OR52K1: variants seen among roughly 807,000 people sequenced by gnomAD.
OR52K1 encodes olfactory receptor 52K1.
OR52K1 carries 10 observed loss-of-function variants against 8.7 expected under a neutral mutation model. The observed-to-expected ratio is 1.15, with a 90% CI of 0.71 to 1.95. The LOEUF (loss-of-function observed/expected upper bound fraction) is 1.95. Ranked by LOEUF, OR52K1 falls within the 30% of genes most tolerant of loss-of-function variation. The pLI is 0.00. For synonymous variants in OR52K1, 203 were observed against 148.5 expected (o/e 1.37, Z -2.67); for missense variants, 431 against 397.2 (o/e 1.08, Z -0.72).
In OR52K1 at chr11:4,489,359, G is replaced by T; in HGVS notation, c.459G>T (p.Arg153=). The T allele has an allele frequency of 6.2e-7, 1 of 1,614,130 alleles. No homozygotes were observed. Among genetic ancestry groups the T allele is most frequent in the Non-Finnish European group, 8.5e-7 (1 of 1,180,034 alleles). ...ITKIGMAAVA[R]AVTLMTPLPF... is the part of the protein sequence containing the mutation. ...AGATTGGCATGGCTGCTGTGGCCCG[G>T]GCTGTGACACTAATGACTCCACTCC... is the stretch of plus-strand genomic sequence containing the variant. Residue 153 remains arginine (R), a synonymous_variant, in exon 2 of 2, where the codon CGG becomes CGT. Transcript: ENST00000641528.
Position 4,489,926 on chromosome 11 carries a change from A to G in OR52K1, c.*81A>G. 1 of 956,348 alleles carries G rather than the reference A, an allele frequency of 1.0e-6. No individual in the cohort carries two copies. Among genetic ancestry groups the G allele is most frequent in the South Asian group, 1.6e-5 (1 of 63,700 alleles). 59.2% of individuals were successfully genotyped at this position (956,348 alleles called of 1,614,324 possible). ...GGTTGAGGGGAAAAATCTAAATAGG[A>G]AAATTGCAGAGTATCTTTGACAATT... On this transcript the variant is annotated 3_prime_UTR_variant, in exon 2 of 2. Transcript: ENST00000641528.
intron 1 of OR52K1, among the ~76,000 whole-genome samples, chr11:4,487,873 A>C (rs1165662294): frequency 1.3e-5 from 2 of 152,162 alleles, no homozygotes; most frequent in Non-Finnish European, 2.9e-5. Context: ...ATTTTATAAC[A>C]GTCTTGGTAA....
chr11:4,484,968 TCC>T (rs1846309939), intron 1 of OR52K1, among the ~76,000 whole-genome samples: 3 of 152,228 alleles, frequency 2.0e-5, no homozygotes, highest in Admixed American at 2.0e-4. Context: ...AAACTTCAAT[TCC>T]CCTCTTATCT....
chr11:4,489,592 C>T lies in OR52K1; in HGVS notation c.692C>T (p.Ala231Val). 6.2e-7 allele frequency: 1 copy of T among 1,614,214 alleles called. No homozygotes were observed. The highest frequency in any genetic ancestry group is 1.1e-5 in the South Asian group (1 of 91,086). ...VFILQAVLQL[A>V]SQEARYKAFG... ...ATCCTTCAGGCAGTTCTCCAGCTTGCCTCTCAGGAGGCCCGCTACAAGGCA... is the reference window on the plus strand; with the variant it reads ...ATCCTTCAGGCAGTTCTCCAGCTTGTCTCTCAGGAGGCCCGCTACAAGGCA... The change falls in exon 2 of 2, where the codon GCC becomes GTC. Residue 231 changes from alanine to valine, a missense_variant. Ala to Val is a moderately conservative substitution (Grantham distance 64). Transcript: ENST00000641528.
At chr11:4,488,192 C>G (rs2133106666) in intron 1 of OR52K1, among the ~76,000 whole-genome samples, 1 of 152,298 alleles carries the variant, frequency 6.6e-6, no homozygotes, top group South Asian at 2.1e-4. Flanking sequence ...GAAAGATATA[C>G]TGTAGAGCAG....
In OR52K1 at chr11:4,484,614, G is replaced by C. The variant is rs145907359; in HGVS notation, c.-329+1438G>C. 4.9e-3 allele frequency among the ~76,000 whole-genome samples: 741 copies of C among 152,104 alleles called. 6 individuals carry two copies. Among genetic ancestry groups the C allele is most frequent in the African/African-American group, 0.017 (695 of 41,494 alleles). The stretch of plus-strand genomic sequence containing the variant: ...ATCGAGTATGGAGTTGGATATCCTA[G>C]TCTGGAGCTTACAAGGAATGTAAGG... On this transcript the variant is annotated intron_variant, in intron 1 of 1. Coordinates refer to ENST00000641528, the MANE Select transcript of OR52K1 (RefSeq NM_001005171.3).
chr11:4,486,317 A>G (rs1401193469), intron 1 of OR52K1, among the ~76,000 whole-genome samples: 3 of 152,188 alleles, frequency 2.0e-5, no homozygotes, highest in African/African-American at 4.8e-5. Context: ...AGAGTGGACA[A>G]TTCTTTGGTT....
Position 4,489,525 on chromosome 11 carries a change from G to A in OR52K1, c.625G>A (p.Val209Met). ...TGGCATTGCTGTGGCCATGTTTATT[G>A]TGGTGTTGGACCTGCTCTTTGTTAT... ...IYGIAVAMFIVVLDLLFVILS... is the reference protein window; with the variant it reads ...IYGIAVAMFIMVLDLLFVILS... Residue 209 changes from valine to methionine, a missense_variant, in exon 2 of 2, where the codon GTG becomes ATG. Coordinates refer to ENST00000641528, the MANE Select transcript of OR52K1 (RefSeq NM_001005171.3). The A allele has an allele frequency of 1.2e-6, 2 of 1,614,238 alleles. No individual in the cohort carries two copies. Among genetic ancestry groups the A allele is most frequent in the South Asian group, 1.1e-5 (1 of 91,084 alleles).
In OR52K1 at chr11:4,489,000, TG is replaced by T. The variant is rs756181961; in HGVS notation, c.101del (p.Cys34SerfsTer9). ...HLHAWISIPFCFAYTLALLGN... is the reference protein window; with the variant it reads ...HLHAWISIPFXFAYTLALLGN... Reference sequence around the variant, plus strand: ...GCATGCCTGGATCTCCATCCCCTTCTGCTTTGCTTATACTCTGGCCCTGCTA... The same window carrying T: ...GCATGCCTGGATCTCCATCCCCTTCTCTTTGCTTATACTCTGGCCCTGCTA... On this transcript the variant is annotated frameshift_variant, in exon 2 of 2. Coordinates refer to ENST00000641528, the MANE Select transcript of OR52K1 (RefSeq NM_001005171.3). LOFTEE classifies it high-confidence loss of function. 1 of 1,614,074 alleles carries T rather than the reference TG, an allele frequency of 6.2e-7. No homozygotes were observed. Among genetic ancestry groups the T allele is most frequent in the African/African-American group, 1.3e-5 (1 of 74,924 alleles).
At position 4,489,240 on chromosome 11, in the gene OR52K1, T is replaced by A. The variant is rs767531406; in HGVS notation, c.340T>A (p.Ser114Thr). 1.2e-6 allele frequency: 2 copies of A among 1,614,170 alleles called. No individual in the cohort carries two copies. Among genetic ancestry groups the A allele is most frequent in the Non-Finnish European group, 1.7e-6 (2 of 1,180,036 alleles). Residue 114 changes from serine to threonine, a missense_variant, in exon 2 of 2, where the codon TCA becomes ACA. Ser to Thr is a moderately conservative substitution (Grantham distance 58). Coordinates refer to ENST00000641528, the MANE Select transcript of OR52K1 (RefSeq NM_001005171.3). ...FFLHSFSIME[S>T]AVLLAMAFDR... Reference sequence around the variant, plus strand: ...CCTTCACTCCTTCTCCATCATGGAGTCAGCAGTGCTGCTGGCCATGGCCTT... The same window carrying A: ...CCTTCACTCCTTCTCCATCATGGAGACAGCAGTGCTGCTGGCCATGGCCTT...
At chr11:4,485,329 G>A (rs1192180190) in intron 1 of OR52K1, among the ~76,000 whole-genome samples, 4 of 152,098 alleles carry the variant, frequency 2.6e-5, no homozygotes, top group Non-Finnish European at 4.4e-5. Flanking sequence ...CTGTCTGGGC[G>A]ATCTCAAACA....
Position 4,488,980 on chromosome 11 carries a change from C to T in OR52K1, c.80C>T (p.Ala27Val), listed in dbSNP as rs1161856057. ...ATTCCTGGTTTGGAACACCTGCATG[C>T]CTGGATCTCCATCCCCTTCTGCTTT... ...VGIPGLEHLHAWISIPFCFAY... is the reference protein window; with the variant it reads ...VGIPGLEHLHVWISIPFCFAY... The change falls in exon 2 of 2, where the codon GCC (alanine) becomes GTC (valine). Residue 27 changes from alanine to valine, a missense_variant. Transcript: ENST00000641528. 6.2e-7 allele frequency: 1 copy of T among 1,614,140 alleles called. No individual in the cohort carries two copies. Among genetic ancestry groups the T allele is most frequent in the African/African-American group, 1.3e-5 (1 of 75,046 alleles).
At chr11:4,484,792 G>T (rs1846306883) in intron 1 of OR52K1, among the ~76,000 whole-genome samples, 1 of 149,490 alleles carries the variant, frequency 6.7e-6, no homozygotes, top group Non-Finnish European at 1.5e-5. Flanking sequence ...TGGATAATTT[G>T]CTTCAGCTAA....
In OR52K1 at chr11:4,489,271, G is replaced by T. The variant is rs368528167; in HGVS notation, c.371G>T (p.Arg124Leu). 1 of 1,614,150 alleles carries T rather than the reference G, an allele frequency of 6.2e-7. No homozygotes were observed. Among genetic ancestry groups the T allele is most frequent in the Admixed American group, 1.7e-5 (1 of 60,028 alleles). ...SAVLLAMAFD[R>L]YVAICKPLHY... ...GTGCTGCTGGCCATGGCCTTTGACCGCTATGTGGCCATCTGCAAGCCATTG... is the reference window on the plus strand; with the variant it reads ...GTGCTGCTGGCCATGGCCTTTGACCTCTATGTGGCCATCTGCAAGCCATTG... The change falls in exon 2 of 2, where the codon CGC becomes CTC. Residue 124 changes from arginine (R) to leucine (L), a missense_variant. By Grantham distance (102) the Arg-to-Leu change is moderately radical. Coordinates refer to ENST00000641528, the MANE Select transcript of OR52K1 (RefSeq NM_001005171.3).
Position 4,488,844 on chromosome 11 carries a change from G to T in OR52K1, c.-57G>T, listed in dbSNP as rs1236002952. On this transcript the variant is annotated 5_prime_UTR_variant, in exon 2 of 2. Transcript: ENST00000641528. ...ACTCTAATCATATATACTGTAGAAG[G>T]TATATATAGAAGGTGAAGAAGCCCT... 7.6e-6 allele frequency: 9 copies of T among 1,177,094 alleles called. No individual in the cohort carries two copies. Among genetic ancestry groups the T allele is most frequent in the Non-Finnish European group, 1.1e-5 (9 of 800,492 alleles). 72.9% of individuals were successfully genotyped at this position (1,177,094 alleles called of 1,614,324 possible).
rs1564832732 is a variant in OR52K1, at chr11:4,489,538, T to A, written c.638T>A (p.Leu213Gln). ...AVAMFIVVLD[L>Q]LFVILSYVFI... The stretch of plus-strand genomic sequence containing the variant: ...GCCATGTTTATTGTGGTGTTGGACC[T>A]GCTCTTTGTTATCCTGTCTTATGTC... Residue 213 changes from leucine to glutamine, a missense_variant, in exon 2 of 2, where the codon CTG becomes CAG. Transcript: ENST00000641528. The A allele has an allele frequency of 1.2e-6, 2 of 1,614,252 alleles. No individual in the cohort carries two copies. The highest frequency in any genetic ancestry group is 1.6e-4 in the Middle Eastern group (1 of 6,062).
At chr11:4,487,011 TGCATGAAGCCA>T (rs143805117) in intron 1 of OR52K1, among the ~76,000 whole-genome samples, 6,319 of 152,210 alleles carry the variant, frequency 0.042, 184 homozygotes, top group African/African-American at 0.079. Context: ...GCGGTCCAGT[TGCATGAAGCCA>T]GGTAAGTGAT....
At position 4,493,466 on chromosome 11, in the gene OR52K1, TCA is replaced by T. The variant is rs2133111515; in HGVS notation, c.*3625_*3626del. The T allele has an allele frequency of 6.6e-6, 1 of 152,496 alleles. No homozygotes were observed. The highest frequency in any genetic ancestry group is 2.4e-5 in the African/African-American group (1 of 41,580). 9.4% of individuals were successfully genotyped at this position (152,496 alleles called of 1,614,324 possible). On this transcript the variant is annotated 3_prime_UTR_variant, in exon 2 of 2. Coordinates refer to ENST00000641528, the MANE Select transcript of OR52K1 (RefSeq NM_001005171.3). ...GGCCCTGTCCGGGCGTGACAGAGGC[TCA>T]CACTTGTCTTCTGGTCACTTCTCAC...
Position 4,488,563 on chromosome 11 carries a change from T to G in OR52K1, c.-328-10T>G. 1 of 222,050 alleles carries G rather than the reference T, an allele frequency of 4.5e-6. No homozygotes were observed. The highest frequency in any genetic ancestry group is 8.9e-6 in the Non-Finnish European group (1 of 112,764). The allele number at this position is 222,050 out of a possible 1,614,324, so 13.8% of individuals were successfully genotyped here. ...TGAATTGATTTAAACATATTTTCAC[T>G]TTTTTCAAGGTATTCATGACATCAC... On this transcript the variant is annotated splice_polypyrimidine_tract_variant and intron_variant, in intron 1 of 1. Transcript: ENST00000641528.
Sources: gnomAD v4.1 joint callset for allele counts (sites outside exome capture counted in the v4.1 genomes callset) on GRCh38, gnomAD v4.1.1 for gene constraint, MANE v1.5 for transcripts, NCBI Gene and HGNC (gene_info 2026-07-23, HGNC 2026-07-21) for gene names.